Variants in MAST4 observed in about 807,000 individuals in gnomAD.
The protein encoded by MAST4 is microtubule associated serine/threonine kinase family member 4.
A neutral mutation model predicts 162.7 loss-of-function variants in MAST4; 89 were observed. The observed-to-expected ratio is 0.55, with a 90% CI of 0.46 to 0.65. The LOEUF (loss-of-function observed/expected upper bound fraction) is 0.65. MAST4 is among the 30% of genes least tolerant of loss of function. The pLI is 0.00. For missense variants in MAST4, 3,153 were observed against 3,374.0 expected, an observed-to-expected ratio of 0.93 and a Z score of 1.62; for synonymous variants, 1,479 against 1,361.1, an observed-to-expected ratio of 1.09 and a Z score of -1.91.
intron 3 of MAST4, among the ~76,000 whole-genome samples, chr5:66,855,188 A>T (rs1186960020): frequency 1.3e-5 from 2 of 152,130 alleles, no homozygotes; most frequent in African/African-American, 4.8e-5. Context: ...GCCTAGAGCC[A>T]TCCCCTTGGT....
intron 1 of MAST4, among the ~76,000 whole-genome samples, chr5:66,704,947 A>G (rs1408569408): frequency 6.6e-6 from 1 of 152,184 alleles, no homozygotes; most frequent in Admixed American, 6.5e-5. Context: ...AAGCAGTCCT[A>G]GAGGTGGGGT....
intron 1 of MAST4, among the ~76,000 whole-genome samples, chr5:66,686,129 C>A (rs1017304786): frequency 2.6e-5 from 4 of 152,080 alleles, no homozygotes; most frequent in African/African-American, 9.7e-5. Flanking sequence ...AGTCGCACCA[C>A]CCAGATTAAA....
At chr5:66,653,869 C>T (rs1746383526) in intron 1 of MAST4, among the ~76,000 whole-genome samples, 1 of 152,092 alleles carries the variant, frequency 6.6e-6, no homozygotes, top group African/African-American at 2.4e-5. Context: ...TGTCTTGTTT[C>T]TTCAATAAAG....
At chr5:67,060,667 C>T (rs759375439) in intron 5 of MAST4, among the ~76,000 whole-genome samples, 9 of 151,798 alleles carry the variant, frequency 5.9e-5, no homozygotes, top group East Asian at 1.9e-4. Flanking sequence ...TTAGTAGAGA[C>T]GGGGTTTTAT....
intron 1 of MAST4, among the ~76,000 whole-genome samples, chr5:66,607,656 T>C (rs1239055714): frequency 6.6e-6 from 1 of 152,220 alleles, no homozygotes; most frequent in Non-Finnish European, 1.5e-5. Flanking sequence ...AGTGAAAGTA[T>C]TGGCCTGGAA....
At chr5:66,956,461 T>A (rs977645438) in intron 4 of MAST4, among the ~76,000 whole-genome samples, 1 of 152,160 alleles carries the variant, frequency 6.6e-6, no homozygotes, top group Non-Finnish European at 1.5e-5. Context: ...AATTTTGATA[T>A]TTTACGACCG....
At chr5:67,143,258 C>T (rs1345182036) in intron 21 of MAST4, among the ~76,000 whole-genome samples, 2 of 76,878 alleles carry the variant, frequency 2.6e-5, no homozygotes, top group Non-Finnish European at 5.2e-5. Flanking sequence ...CCGTTCTCCA[C>T]AAAAAGGAAA....
intron 4 of MAST4, among the ~76,000 whole-genome samples, chr5:66,971,559 C>T (rs75057273): frequency 0.012 from 1,770 of 152,304 alleles, 30 homozygotes; most frequent in African/African-American, 0.041. Flanking sequence ...TTTCTTTGGG[C>T]CTCACAGCTC....
In MAST4 at chr5:67,166,760, C is replaced by T; in HGVS notation, c.7581C>T (p.Ser2527=). 6.3e-7 allele frequency: 1 copy of T among 1,597,708 alleles called. No homozygotes were observed. The highest frequency in any genetic ancestry group is 8.5e-7 in the Non-Finnish European group (1 of 1,172,622). ...KSDSLPSFRV[S]TLPLESHHPD... is the part of the protein sequence containing the mutation. ...ACTCCCTGCCCTCCTTCCGGGTCTC[C>T]ACCCTGCCTCTGGAGTCACACCACC... The change falls in exon 29 of 29, where the codon TCC becomes TCT. Residue 2527 remains serine, a synonymous_variant. Coordinates refer to ENST00000403625, the MANE Select transcript of MAST4 (RefSeq NM_001164664.2).
At chr5:66,911,484 T>G (rs1763756550) in intron 4 of MAST4, among the ~76,000 whole-genome samples, 1 of 150,532 alleles carries the variant, frequency 6.6e-6, no homozygotes, top group Non-Finnish European at 1.5e-5. Flanking sequence ...GGGGGATTGC[T>G]TGAGGTCTGG....
chr5:66,689,238 A>G (rs374383355), intron 1 of MAST4, among the ~76,000 whole-genome samples: 2 of 152,160 alleles, frequency 1.3e-5, no homozygotes, highest in South Asian at 2.1e-4. Flanking sequence ...TCTTCAGGCT[A>G]TCTAACCTGA....
At chr5:66,612,347 A>T (rs1226575318) in intron 1 of MAST4, among the ~76,000 whole-genome samples, 1 of 152,130 alleles carries the variant, frequency 6.6e-6, no homozygotes, top group Non-Finnish European at 1.5e-5. Flanking sequence ...GCTTCACATA[A>T]CGAGTGCTGG....
intron 4 of MAST4, among the ~76,000 whole-genome samples, chr5:66,948,687 G>A (rs1019150367): frequency 6.6e-6 from 1 of 152,134 alleles, no homozygotes; most frequent in African/African-American, 2.4e-5. Flanking sequence ...GACTTCTTAA[G>A]ATGGCCCAGA....
At chr5:66,611,672 A>G (rs1425378045) in intron 1 of MAST4, among the ~76,000 whole-genome samples, 3 of 152,268 alleles carry the variant, frequency 2.0e-5, no homozygotes, top group Non-Finnish European at 4.4e-5. Context: ...TGATTTCATA[A>G]TGAGAGGTGT....
At chr5:67,152,157 GA>G (rs2151078850) in intron 24 of MAST4, among the ~76,000 whole-genome samples, 1 of 152,278 alleles carries the variant, frequency 6.6e-6, no homozygotes, top group East Asian at 1.9e-4. Context: ...CATGTGTGTT[GA>G]AAAGGACCAT....
At position 67,094,049 on chromosome 5, in the gene MAST4, G is replaced by A. The variant is rs918755298; in HGVS notation, c.834-1548G>A. The A allele has an allele frequency of 1.9e-5, 11 of 590,242 alleles. No individual in the cohort carries two copies. In the Admixed American group the frequency reaches 2.8e-4, roughly 15 times the overall value. 36.6% of individuals were successfully genotyped at this position (590,242 alleles called of 1,614,324 possible). On this transcript the variant is annotated intron_variant, in intron 6 of 28. Coordinates refer to ENST00000403625, the MANE Select transcript of MAST4 (RefSeq NM_001164664.2). ...TCAGTTGTTTAAAAGTATTTCAAAA[G>A]AACATATAATTTATCTCAATTTCTT...
chr5:66,832,242 C>G (rs1281774032), intron 3 of MAST4, among the ~76,000 whole-genome samples: 1 of 152,154 alleles, frequency 6.6e-6, no homozygotes, highest in East Asian at 1.9e-4. Context: ...CCATCCACTT[C>G]CAGACTCTCA....
chr5:66,794,181 C>G (rs1162128924), intron 3 of MAST4, among the ~76,000 whole-genome samples: 1 of 152,102 alleles, frequency 6.6e-6, no homozygotes, highest in Non-Finnish European at 1.5e-5. Flanking sequence ...GTTATGGAAA[C>G]CTTATTCAGG....
intron 1 of MAST4, among the ~76,000 whole-genome samples, chr5:66,601,992 G>T (rs1193633231): frequency 6.6e-6 from 1 of 152,084 alleles, no homozygotes; most frequent in Non-Finnish European, 1.5e-5. Flanking sequence ...CCAGGTATAT[G>T]CATATACCTA....
Sources: gnomAD v4.1 joint callset for allele counts (sites outside exome capture counted in the v4.1 genomes callset) on GRCh38, gnomAD v4.1.1 for gene constraint, MANE v1.5 for transcripts, NCBI Gene and HGNC (gene_info 2026-07-23, HGNC 2026-07-21) for gene names.